Variants in MYT1L observed in about 807,000 individuals in gnomAD.
The protein encoded by MYT1L is myelin transcription factor 1-like protein.
Under a neutral mutation model 126.7 loss-of-function variants are expected in MYT1L, and 12 were observed. The ratio of observed to expected loss-of-function variants is 0.09; its 90% CI spans 0.06 to 0.15. The LOEUF is 0.15. Ranked by LOEUF, MYT1L falls within the 10% of genes least tolerant of loss-of-function variation. MYT1L has a pLI of 1.00. For missense variants in MYT1L, 979 were observed against 1,585.2 expected (o/e 0.62, Z 6.49); for synonymous variants, 541 against 604.2 (o/e 0.90, Z 1.53).
chr2:2,223,568 T>C (rs1232084847), intron 2 of MYT1L, among the ~76,000 whole-genome samples: 1 of 152,228 alleles, frequency 6.6e-6, no homozygotes, highest in Non-Finnish European at 1.5e-5. Context: ...AAATAGCTGA[T>C]TTGTCACATT....
intron 1 of MYT1L, among the ~76,000 whole-genome samples, chr2:2,287,770 C>T (rs2095543977): frequency 6.6e-6 from 1 of 152,198 alleles, no homozygotes; most frequent in Non-Finnish European, 1.5e-5. Context: ...GTAGTTATTT[C>T]TGTGTGGATA....
intron 8 of MYT1L, among the ~76,000 whole-genome samples, chr2:1,951,659 G>A (rs2057762836): frequency 6.6e-6 from 1 of 152,188 alleles, no homozygotes; most frequent in African/African-American, 2.4e-5. Flanking sequence ...ATTTACCTCA[G>A]CCTCAGTCTA....
At chr2:2,229,576 G>C (rs2094110357) in intron 2 of MYT1L, among the ~76,000 whole-genome samples, 1 of 151,734 alleles carries the variant, frequency 6.6e-6, no homozygotes, top group South Asian at 2.1e-4. Flanking sequence ...TGAGTAGCTG[G>C]GAACACAGGT....
chr2:1,915,086 C>T (rs1027527529), intron 11 of MYT1L, among the ~76,000 whole-genome samples: 1 of 152,136 alleles, frequency 6.6e-6, no homozygotes, highest in South Asian at 2.1e-4. Flanking sequence ...TGGGAGCTCT[C>T]TGAGGGCCAG....
At chr2:2,002,067 C>G (rs1053301482) in intron 4 of MYT1L, among the ~76,000 whole-genome samples, 3 of 152,200 alleles carry the variant, frequency 2.0e-5, no homozygotes, top group African/African-American at 7.2e-5. Flanking sequence ...TTTCACAGAA[C>G]AACACCTTCT....
chr2:2,314,932 T>C (rs1362479513), intron 1 of MYT1L, among the ~76,000 whole-genome samples: 6 of 152,168 alleles, frequency 3.9e-5, no homozygotes, highest in Non-Finnish European at 7.3e-5. Context: ...GGAGAAAGGA[T>C]TCCCTACTTA....
intron 4 of MYT1L, among the ~76,000 whole-genome samples, chr2:2,001,661 A>G (rs1256617046): frequency 6.6e-6 from 1 of 152,154 alleles, no homozygotes; most frequent in East Asian, 1.9e-4. Context: ...CAATTTGGCC[A>G]TTTTTGCACA....
At chr2:1,845,948 G>A (rs1178772033) in intron 19 of MYT1L, among the ~76,000 whole-genome samples, 1 of 152,192 alleles carries the variant, frequency 6.6e-6, no homozygotes, top group Non-Finnish European at 1.5e-5. Context: ...CATCCCTCAT[G>A]CAGTGGCTCA....
intron 2 of MYT1L, among the ~76,000 whole-genome samples, chr2:2,235,611 C>T (rs2094277086): frequency 6.6e-6 from 1 of 152,200 alleles, no homozygotes. Context: ...CTGGCCCTCA[C>T]ATTGCATGAG....
chr2:2,157,013 A>T (rs1350362958), intron 3 of MYT1L, among the ~76,000 whole-genome samples: 1 of 152,226 alleles, frequency 6.6e-6, no homozygotes, highest in African/African-American at 2.4e-5. Context: ...GTTTAGGCAC[A>T]ACAGAGTTTT....
At chr2:1,881,773 T>A (rs1479378190) in intron 18 of MYT1L, among the ~76,000 whole-genome samples, 1 of 151,906 alleles carries the variant, frequency 6.6e-6, no homozygotes, top group African/African-American at 2.4e-5. Flanking sequence ...AGTGTGGAAA[T>A]AAAAATAAAT....
chr2:2,038,418 T>C (rs2067129035), intron 4 of MYT1L, among the ~76,000 whole-genome samples: 1 of 152,126 alleles, frequency 6.6e-6, no homozygotes, highest in Non-Finnish European at 1.5e-5. Flanking sequence ...GGTGCTTGGA[T>C]TCCCCTGACT....
At chr2:1,987,191 G>A (rs895574393) in intron 5 of MYT1L, among the ~76,000 whole-genome samples, 12 of 152,252 alleles carry the variant, frequency 7.9e-5, no homozygotes, top group African/African-American at 2.4e-4. Context: ...TACCCGAACA[G>A]TCTCATGGCC....
intron 2 of MYT1L, among the ~76,000 whole-genome samples, chr2:2,260,967 GC>G (rs1211348133): frequency 1.3e-5 from 2 of 152,192 alleles, no homozygotes; most frequent in Non-Finnish European, 2.9e-5. Flanking sequence ...ACTCTCAGGA[GC>G]CTGTCCTTGA....
intron 3 of MYT1L, among the ~76,000 whole-genome samples, chr2:2,171,953 C>G (rs946060342): frequency 3.3e-5 from 5 of 152,176 alleles, no homozygotes; most frequent in African/African-American, 4.8e-5. Context: ...CACACCACAG[C>G]TTTCCTTATA....
At chr2:2,122,269 T>A (rs2081130398) in intron 3 of MYT1L, among the ~76,000 whole-genome samples, 1 of 152,200 alleles carries the variant, frequency 6.6e-6, no homozygotes, top group Non-Finnish European at 1.5e-5. Flanking sequence ...TTGACCTTTC[T>A]GTACCTCGGT....
chr2:1,903,378 T>G, intron 13 of MYT1L, 84 bp from the exon 14 acceptor site: 1 of 1,107,280 alleles, frequency 9.0e-7, no homozygotes, highest in Non-Finnish European at 1.3e-6. Flanking sequence ...CTAGAATATC[T>G]TACTTTTTTA....
At chr2:2,063,740 A>G (rs2070849821) in intron 3 of MYT1L, among the ~76,000 whole-genome samples, 1 of 152,166 alleles carries the variant, frequency 6.6e-6, no homozygotes. Context: ...GCTACTCGGT[A>G]TGCTGAGGGA....
intron 2 of MYT1L, among the ~76,000 whole-genome samples, chr2:2,246,806 A>G (rs2094544393): frequency 6.6e-6 from 1 of 152,226 alleles, no homozygotes; most frequent in Admixed American, 6.5e-5. Context: ...GAGCCTAAGT[A>G]TCTTAGCTTT....
Sources: gnomAD v4.1 joint callset for allele counts (sites outside exome capture counted in the v4.1 genomes callset) on GRCh38, gnomAD v4.1.1 for gene constraint, MANE v1.5 for transcripts, NCBI Gene and HGNC (gene_info 2026-07-23, HGNC 2026-07-21) for gene names.